PVT1: variants seen among roughly 807,000 people sequenced by gnomAD.
The protein encoded by PVT1 is CXCR4/PVT1 fusion.
At chr8:128,093,004 TC>T (rs1814379764) in intron 5 of PVT1, among the ~76,000 whole-genome samples, 1 of 152,198 alleles carries the variant, frequency 6.6e-6, no homozygotes, top group African/African-American at 2.4e-5. Flanking sequence ...AGATGCCTCT[TC>T]CACCAAGCTT....
chr8:127,951,523 A>G (rs903449372), intron 3 of PVT1, among the ~76,000 whole-genome samples: 1 of 152,152 alleles, frequency 6.6e-6, no homozygotes, highest in East Asian at 1.9e-4. Context: ...AAAGGTCTTG[A>G]GATTAGAGCT....
intron 2 of PVT1, among the ~76,000 whole-genome samples, chr8:127,870,159 T>A (rs777550704): frequency 2.6e-5 from 4 of 152,012 alleles, no homozygotes; most frequent in Non-Finnish European, 5.9e-5. Context: ...TGGATTAGGG[T>A]GGGGGCTAAA....
intron 3 of PVT1, chr8:127,983,923 G>C (rs1037323644): frequency 7.3e-6 from 1 of 136,364 alleles, no homozygotes; most frequent in Non-Finnish European, 1.5e-5. Context: ...CTGTGGTCCA[G>C]GCTGAAGTAC....
intron 2 of PVT1, chr8:127,855,066 A>G (rs556434710): frequency 2.5e-6 from 1 of 398,058 alleles, no homozygotes; most frequent in South Asian, 1.3e-4. Context: ...GACTCAGTTT[A>G]CTATTTTAAA....
At chr8:128,087,052 T>C (rs1436073333) in intron 5 of PVT1, among the ~76,000 whole-genome samples, 2 of 152,248 alleles carry the variant, frequency 1.3e-5, no homozygotes, top group African/African-American at 4.8e-5. Flanking sequence ...CAGTGCCCAA[T>C]ATTGTTTACT....
intron 4 of PVT1, among the ~76,000 whole-genome samples, chr8:128,015,293 T>C (rs1817360280): frequency 6.6e-6 from 1 of 152,144 alleles, no homozygotes; most frequent in Non-Finnish European, 1.5e-5. Context: ...TTTCACTATG[T>C]TGACCAGGCT....
At chr8:128,021,618 A>T (rs1817439803) in intron 4 of PVT1, among the ~76,000 whole-genome samples, 1 of 152,118 alleles carries the variant, frequency 6.6e-6, no homozygotes. Context: ...TATACTCAGT[A>T]TAATCAGTCC....
intron 4 of PVT1, among the ~76,000 whole-genome samples, chr8:128,066,708 C>T (rs1449089576): frequency 6.6e-6 from 1 of 152,194 alleles, no homozygotes; most frequent in African/African-American, 2.4e-5. Context: ...GCTCTGGTAC[C>T]ACATGCCTGT....
chr8:127,986,078 C>G (rs1019517925), intron 3 of PVT1, among the ~76,000 whole-genome samples: 7 of 152,210 alleles, frequency 4.6e-5, no homozygotes, highest in Non-Finnish European at 7.4e-5. Flanking sequence ...ACCTGCCTTA[C>G]ATGTAGGACT....
chr8:127,917,679 AT>A (rs1816003769), intron 3 of PVT1, among the ~76,000 whole-genome samples: 1 of 152,222 alleles, frequency 6.6e-6, no homozygotes, highest in Non-Finnish European at 1.5e-5. Flanking sequence ...TGCAGGCTGT[AT>A]GTGTGGGAGG....
chr8:127,797,589 C>T (rs892887762), intron 2 of PVT1, among the ~76,000 whole-genome samples: 1 of 152,186 alleles, frequency 6.6e-6, no homozygotes, highest in Non-Finnish European at 1.5e-5. Flanking sequence ...CCCTTTGTCT[C>T]TTCTGTTTTC....
At chr8:127,826,696 G>A (rs13278768) in intron 2 of PVT1, among the ~76,000 whole-genome samples, 1 of 152,220 alleles carries the variant, frequency 6.6e-6, no homozygotes. Context: ...CTGTTGCTAA[G>A]AGGCCACCCG....
intron 5 of PVT1, among the ~76,000 whole-genome samples, chr8:128,090,442 A>T (rs916982647): frequency 5.3e-5 from 8 of 152,168 alleles, no homozygotes; most frequent in African/African-American, 4.8e-5. Flanking sequence ...GGGAAGAGAA[A>T]AGTTAAAGGC....
At chr8:127,996,014 C>G (rs377433075) in intron 4 of PVT1, among the ~76,000 whole-genome samples, 1 of 152,014 alleles carries the variant, frequency 6.6e-6, no homozygotes, top group Non-Finnish European at 1.5e-5. Flanking sequence ...CCCAACATAC[C>G]TCTTATTGCC....
chr8:128,087,579 C>A (rs1814274394), intron 5 of PVT1, among the ~76,000 whole-genome samples: 1 of 152,052 alleles, frequency 6.6e-6, no homozygotes, highest in African/African-American at 2.4e-5. Flanking sequence ...AAAGCTCAAG[C>A]AAACTCTTAA....
At chr8:127,828,062 T>C (rs926956837) in intron 2 of PVT1, among the ~76,000 whole-genome samples, 1 of 152,210 alleles carries the variant, frequency 6.6e-6, no homozygotes, top group Non-Finnish European at 1.5e-5. Context: ...ATAGCTTTAT[T>C]GATCCCATGG....
chr8:127,990,950 T>C (rs1345946796), intron 4 of PVT1, among the ~76,000 whole-genome samples: 6 of 108,414 alleles, frequency 5.5e-5, no homozygotes, highest in Admixed American at 5.2e-4. Context: ...TAAAGCATAC[T>C]GGGAGCTGAG....
At chr8:127,855,112 C>T in intron 2 of PVT1, 1 of 398,698 alleles carries the variant, frequency 2.5e-6, no homozygotes, top group Non-Finnish European at 4.4e-6. Context: ...TCCTCTCTCT[C>T]TGTCTCTCTT....
chr8:128,073,288 A>C (rs1190306366), intron 5 of PVT1, among the ~76,000 whole-genome samples: 2 of 152,196 alleles, frequency 1.3e-5, no homozygotes, highest in Non-Finnish European at 2.9e-5. Context: ...CTAAACCTGC[A>C]TAACTAGTAA....
Sources: allele counts gnomAD v4.1 joint callset (sites outside exome capture counted in the v4.1 genomes callset), GRCh38; gene constraint gnomAD v4.1.1; transcripts MANE v1.5; gene names NCBI Gene and HGNC (gene_info 2026-07-23, HGNC 2026-07-21).